DPF3: variants seen among roughly 807,000 people sequenced by gnomAD.
The protein encoded by DPF3 is double PHD fingers 3, also known as zinc finger protein DPF3.
A neutral mutation model predicts 56.8 loss-of-function variants in DPF3; 18 were observed. That is an observed-to-expected ratio of 0.32 (90% CI 0.22 to 0.47). The LOEUF (loss-of-function observed/expected upper bound fraction) is 0.47, where lower values mean the gene tolerates loss of function less well. Among genes scored for constraint, DPF3 ranks in the 20% least tolerant of loss-of-function variants. The probability of loss-of-function intolerance (pLI) is 1.00; values close to 1 mark genes in which losing one functional copy is unlikely to be tolerated. For missense variants in DPF3, 403 were observed against 488.8 expected, an observed-to-expected ratio of 0.82 and a Z score of 1.65; for synonymous variants, 188 against 180.2, an observed-to-expected ratio of 1.04 and a Z score of -0.35.
intron 8 of DPF3, among the ~76,000 whole-genome samples, chr14:72,632,300 T>G (rs1305650021): frequency 1.3e-5 from 2 of 152,204 alleles, no homozygotes; most frequent in Non-Finnish European, 2.9e-5. Context: ...CACATACACA[T>G]ATGTATTTGT....
rs372358465 is a variant in DPF3, at chr14:72,715,329, G to A, written c.526-828C>T. On this transcript the variant is annotated intron_variant, in intron 5 of 10. Coordinates refer to ENST00000556509, the MANE Select transcript of DPF3 (RefSeq NM_001280542.3). ...GCTGGCAGCTCTGCAGCCCCAGGGC[G>A]GTGGTGACAAGAACACAGCGAGGTT... Among the ~76,000 whole-genome samples, 298 of 152,290 alleles carry A rather than the reference G, an allele frequency of 2.0e-3. 2 individuals carry two copies. Among genetic ancestry groups the A allele is most frequent in the African/African-American group, 3.2e-3 (131 of 41,552 alleles).
chr14:72,736,945 A>G (rs4899441), intron 3 of DPF3, among the ~76,000 whole-genome samples: 8,346 of 152,046 alleles, frequency 0.055, 344 homozygotes, highest in South Asian at 0.16. Flanking sequence ...TACTCTCTCC[A>G]GAGCGGCAGC....
chr14:72,674,537 G>A (rs924097221), intron 7 of DPF3, among the ~76,000 whole-genome samples, 169 bp from the exon 8 acceptor site: 1 of 152,182 alleles, frequency 6.6e-6, no homozygotes, highest in African/African-American at 2.4e-5. Context: ...CGGGTTTAAT[G>A]GTACTAATAA....
At position 72,821,840 on chromosome 14, in the gene DPF3, C is replaced by T. The variant is rs551424791; in HGVS notation, c.33-49947G>A. ...GAGTAACATGGCGAGAGCTCATCTC[C>T]ACTAAATTTTTTTTTTAATTAGCCA... On this transcript the variant is annotated intron_variant, in intron 1 of 10. Transcript: ENST00000556509. Among the ~76,000 whole-genome samples, 103 of 35,958 alleles carry T rather than the reference C, an allele frequency of 2.9e-3. No individual in the cohort carries two copies. In the Admixed American group the frequency reaches 0.032, roughly 11 times the overall value. The allele number at this position is 35,958 out of a possible 152,430, so 23.6% of individuals were successfully genotyped here. A position where few individuals can be genotyped will look rare whatever the true frequency, so the allele number is the denominator to read the frequency against.
At position 72,796,983 on chromosome 14, in the gene DPF3, G is replaced by A. The variant is rs975817254; in HGVS notation, c.33-25090C>T. Among the ~76,000 whole-genome samples the A allele has an allele frequency of 3.3e-5, 5 of 152,292 alleles. No homozygotes were observed. In the East Asian group the frequency reaches 5.8e-4, roughly 18 times the overall value. ...CAGTAAGAAGACAGGACGAAGCATC[G>A]CACCTGGATAGAAGACTAAGTAAAA... On this transcript the variant is annotated intron_variant, in intron 1 of 10. Coordinates refer to ENST00000556509, the MANE Select transcript of DPF3 (RefSeq NM_001280542.3).
chr14:72,649,588 A>G (rs1885835066), intron 8 of DPF3, among the ~76,000 whole-genome samples: 1 of 146,724 alleles, frequency 6.8e-6, no homozygotes, highest in South Asian at 2.2e-4. Flanking sequence ...TTGCTTATTC[A>G]GGAGCTTAAC....
intron 9 of DPF3, among the ~76,000 whole-genome samples, chr14:72,621,036 G>C (rs992709466): frequency 6.6e-6 from 1 of 151,880 alleles, no homozygotes; most frequent in Non-Finnish European, 1.5e-5. Context: ...AGCTACTCAG[G>C]AGGCTGAGGC....
intron 1 of DPF3, among the ~76,000 whole-genome samples, chr14:72,856,905 G>A (rs1347307521): frequency 1.3e-5 from 2 of 152,214 alleles, no homozygotes; most frequent in African/African-American, 4.8e-5. Flanking sequence ...TGTGGGGCGA[G>A]GACTTAGGAG....
chr14:72,814,145 T>C (rs1883182188), intron 1 of DPF3, among the ~76,000 whole-genome samples: 1 of 152,178 alleles, frequency 6.6e-6, no homozygotes, highest in Non-Finnish European at 1.5e-5. Flanking sequence ...ATCACTCAAC[T>C]GACTGTCATT....
chr14:72,777,644 C>T (rs1361762794), intron 1 of DPF3, among the ~76,000 whole-genome samples: 2 of 152,180 alleles, frequency 1.3e-5, no homozygotes, highest in African/African-American at 2.4e-5. Context: ...ATCATGTGGG[C>T]ACATCCCTCA....
At chr14:72,686,353 C>T (rs1164989595) in intron 7 of DPF3, among the ~76,000 whole-genome samples, 1 of 152,252 alleles carries the variant, frequency 6.6e-6, no homozygotes, top group Non-Finnish European at 1.5e-5. Context: ...TGGTGCCAAA[C>T]ATTCACATTA....
intron 3 of DPF3, among the ~76,000 whole-genome samples, chr14:72,749,943 C>A (rs1453946123): frequency 6.6e-6 from 1 of 152,040 alleles, no homozygotes; most frequent in Non-Finnish European, 1.5e-5. Flanking sequence ...TGCTTGAGCA[C>A]CTGGATGTAG....
intron 1 of DPF3, among the ~76,000 whole-genome samples, chr14:72,786,887 C>T (rs1892230226): frequency 6.6e-6 from 1 of 152,218 alleles, no homozygotes; most frequent in Non-Finnish European, 1.5e-5. Context: ...CCTTGAAAGC[C>T]CTGTTTCATC....
chr14:72,664,053 C>T (rs1886341451), intron 8 of DPF3, among the ~76,000 whole-genome samples: 1 of 152,080 alleles, frequency 6.6e-6, no homozygotes, highest in South Asian at 2.1e-4. Context: ...GTGCACCCTA[C>T]CCCCACTTCC....
At chr14:72,892,521 A>C in intron 1 of DPF3, 5 of 1,389,882 alleles carry the variant, frequency 3.6e-6, no homozygotes, top group Non-Finnish European at 4.6e-6. Flanking sequence ...CCTATTTCTG[A>C]TGGGCGACGA....
chr14:72,675,232 C>T (rs553754584), intron 7 of DPF3, among the ~76,000 whole-genome samples: 2 of 152,326 alleles, frequency 1.3e-5, no homozygotes, highest in South Asian at 4.1e-4. Flanking sequence ...AGAATAGCAC[C>T]TGTCCTTATG....
intron 1 of DPF3, among the ~76,000 whole-genome samples, chr14:72,838,034 G>A (rs1313800917): frequency 1.3e-5 from 2 of 152,214 alleles, no homozygotes; most frequent in Non-Finnish European, 1.5e-5. Flanking sequence ...GCAGCAAGCA[G>A]TGGCTCCAGT....
chr14:72,839,517 T>C (rs1053713222), intron 1 of DPF3, among the ~76,000 whole-genome samples: 2 of 152,168 alleles, frequency 1.3e-5, no homozygotes, highest in African/African-American at 2.4e-5. Context: ...ACCTAAGCAC[T>C]GACTCCCCGA....
At chr14:72,766,203 C>G (rs371191596) in intron 2 of DPF3, among the ~76,000 whole-genome samples, 179 of 152,222 alleles carry the variant, frequency 1.2e-3, no homozygotes, top group Middle Eastern at 6.8e-3. Flanking sequence ...TTTTTAATAA[C>G]AAGGCAATCT....
Sources: gnomAD v4.1 joint callset for allele counts (sites outside exome capture counted in the v4.1 genomes callset) on GRCh38, gnomAD v4.1.1 for gene constraint, MANE v1.5 for transcripts, NCBI Gene and HGNC (gene_info 2026-07-23, HGNC 2026-07-21) for gene names.